CD1D: variants seen among roughly 807,000 people sequenced by gnomAD.
The protein encoded by CD1D is CD1d molecule, also known as antigen-presenting glycoprotein CD1d.
A neutral mutation model predicts 42.1 loss-of-function variants in CD1D; 40 were observed. That is an observed-to-expected ratio of 0.95 (90% CI 0.74 to 1.24). CD1D has a LOEUF of 1.24. Ranked by LOEUF, CD1D falls within the 50% of genes most tolerant of loss-of-function variation. CD1D has a pLI of 0.00. For missense variants in CD1D, 437 were observed against 416.5 expected, an observed-to-expected ratio of 1.05 and a Z score of -0.43; for synonymous variants, 178 against 171.8, an observed-to-expected ratio of 1.04 and a Z score of -0.28.
In CD1D at chr1:158,181,646, C is replaced by A; in HGVS notation, c.253C>A (p.Gln85Lys). 3 of 1,614,018 alleles carry A rather than the reference C, an allele frequency of 1.9e-6. No individual in the cohort carries two copies. Among genetic ancestry groups the A allele is most frequent in the Non-Finnish European group, 2.5e-6 (3 of 1,180,026 alleles). Residue 85 changes from glutamine (Q) to lysine (K), a missense_variant, in exon 2 of 6, where the codon CAG (glutamine) becomes AAG (lysine). Physicochemically the swap from Gln to Lys is moderately conservative, Grantham distance 53 (BLOSUM62 1). Transcript: ENST00000674085. The stretch of plus-strand genomic sequence containing the variant: ...CAGCGACCAGCAGTGGGAGACGCTG[C>A]AGCATATATTTCGGGTTTATCGAAG... ...TFSDQQWETL[Q>K]HIFRVYRSSF...
intron 1 of CD1D, 76 bp from the exon 2 acceptor site, chr1:158,181,379 T>G: frequency 6.4e-7 from 1 of 1,573,394 alleles, no homozygotes; most frequent in Non-Finnish European, 8.7e-7. Flanking sequence ...CTCCTCTTGT[T>G]TCTTTCTTCC....
rs143328387 is a variant in CD1D at position 158,185,884 on chromosome 1, T to A, written c.*1734T>A. On this transcript the variant is annotated 3_prime_UTR_variant, in exon 6 of 6. Coordinates refer to ENST00000674085, the MANE Select transcript of CD1D (RefSeq NM_001371762.2). ...TGGTGATTCTGATGCTTAGCTAAAGTTAGAGAACCACTGTTCTTAGACATT... is the reference window on the plus strand; with the variant it reads ...TGGTGATTCTGATGCTTAGCTAAAGATAGAGAACCACTGTTCTTAGACATT... Among the ~76,000 whole-genome samples, 23 of 152,276 alleles carry A rather than the reference T, an allele frequency of 1.5e-4. No individual in the cohort carries two copies. The highest frequency in any genetic ancestry group is 2.5e-4 in the Non-Finnish European group (17 of 68,018).
chr1:158,182,803 GGAT>G (rs1372736228), intron 3 of CD1D, 72 bp from the exon 4 acceptor site: 2 of 1,487,792 alleles, frequency 1.3e-6, no homozygotes, highest in Non-Finnish European at 1.8e-6. Flanking sequence ...AAGTCAAAAA[GGAT>G]GATATGAGGC....
Position 158,182,183 on chromosome 1 carries a change from C to T in CD1D, c.480C>T (p.Asn160=), listed in dbSNP as rs1465092671. The change falls in exon 3 of 6, where the codon AAC becomes AAT. Residue 160 remains asparagine (N), a synonymous_variant. Coordinates refer to ENST00000674085, the MANE Select transcript of CD1D (RefSeq NM_001371762.2). Reference sequence around the variant, plus strand: ...CCCAAGAGGCCCCACTTTGGGTAAACTTGGCCATTCAAGTGCTCAACCAGG... The same window carrying T: ...CCCAAGAGGCCCCACTTTGGGTAAATTTGGCCATTCAAGTGCTCAACCAGG... The part of the protein sequence containing the change: ...EPTQEAPLWV[N]LAIQVLNQDK... 2 of 1,614,196 alleles carry T rather than the reference C, an allele frequency of 1.2e-6. No individual in the cohort carries two copies. The highest frequency in any genetic ancestry group is 2.2e-5 in the East Asian group (1 of 44,880).
intron 4 of CD1D, 122 bp from the exon 5 acceptor site, chr1:158,183,814 G>A (rs1370586382): frequency 9.3e-6 from 7 of 755,058 alleles, no homozygotes; most frequent in Non-Finnish European, 1.6e-5. Context: ...TAGAAATTGG[G>A]GTTTTAAGTG....
Position 158,183,169 on chromosome 1 carries a change from T to C in CD1D, c.886+13T>C. 5 of 1,582,906 alleles carry C rather than the reference T, an allele frequency of 3.2e-6. No homozygotes were observed. Among genetic ancestry groups the C allele is most frequent in the Non-Finnish European group, 4.3e-6 (5 of 1,160,548 alleles). ...GTCCTCTACTGGGGTGAGAAAAAGC[T>C]GGGCCCAAGCTGGAAATGGCAGGAG... On this transcript the variant is annotated intron_variant, in intron 4 of 5. Transcript: ENST00000674085.
chr1:158,182,184 T>C lies in CD1D; in HGVS notation c.481T>C (p.Leu161=). ...PTQEAPLWVN[L]AIQVLNQDKW... ...CCAAGAGGCCCCACTTTGGGTAAACTTGGCCATTCAAGTGCTCAACCAGGA... is the reference window on the plus strand; with the variant it reads ...CCAAGAGGCCCCACTTTGGGTAAACCTGGCCATTCAAGTGCTCAACCAGGA... Residue 161 remains leucine (L), a synonymous_variant, in exon 3 of 6, where the codon TTG becomes CTG. Coordinates refer to ENST00000674085, the MANE Select transcript of CD1D (RefSeq NM_001371762.2). The C allele has an allele frequency of 6.2e-7, 1 of 1,614,180 alleles. No homozygotes were observed. Among genetic ancestry groups the C allele is most frequent in the South Asian group, 1.1e-5 (1 of 91,082 alleles).
At chr1:158,182,360 G>C in intron 3 of CD1D, 50 bp downstream of exon 3, 1 of 1,605,312 alleles carries the variant, frequency 6.2e-7, no homozygotes, top group Non-Finnish European at 8.5e-7. Context: ...GCTCCAAACG[G>C]GCTTTTCCAT....
chr1:158,181,098 C>A lies in CD1D; in HGVS notation c.-4C>A, dbSNP rs1419878823. 1.3e-6 allele frequency: 2 copies of A among 1,545,696 alleles called. No individual in the cohort carries two copies. Among genetic ancestry groups the A allele is most frequent in the South Asian group, 2.4e-5 (2 of 83,678 alleles). Reference sequence around the variant, plus strand: ...CGCTCCGCGAGGTCCCCACGCCGGGCGATATGGGGTGCCTGCTGTTTCTGC... The same window carrying A: ...CGCTCCGCGAGGTCCCCACGCCGGGAGATATGGGGTGCCTGCTGTTTCTGC... On this transcript the variant is annotated 5_prime_UTR_variant, in exon 1 of 6. Transcript: ENST00000674085.
At position 158,181,458 on chromosome 1, in the gene CD1D, C is replaced by T. The variant is rs1648407123; in HGVS notation, c.65C>T (p.Pro22Leu). The T allele has an allele frequency of 1.2e-6, 2 of 1,613,656 alleles. No homozygotes were observed. The highest frequency in any genetic ancestry group is 1.7e-6 in the Non-Finnish European group (2 of 1,179,816). Reference protein sequence around the residue: ...LLQAWGSAEVPQRLFPLRCLQ... With the variant: ...LLQAWGSAEVLQRLFPLRCLQ... ...TCCAATCTTCATTCTCTCCCAGTCC[C>T]GCAAAGGCTTTTCCCCCTCCGCTGC... Residue 22 changes from proline (P) to leucine (L), a missense_variant, in exon 2 of 6, where the codon CCG becomes CTG. Pro to Leu is a moderately conservative substitution (Grantham distance 98, BLOSUM62 -3). Coordinates refer to ENST00000674085, the MANE Select transcript of CD1D (RefSeq NM_001371762.2).
chr1:158,182,710 A>G (rs2101580283), intron 3 of CD1D, among the ~76,000 whole-genome samples, 168 bp from the exon 4 acceptor site: 1 of 152,340 alleles, frequency 6.6e-6, no homozygotes, highest in African/African-American at 2.4e-5. Flanking sequence ...AGGTGGGACA[A>G]ATGGATTGAA....
chr1:158,181,418 C>T (rs1400919564), intron 1 of CD1D, 37 bp from the exon 2 acceptor site: 1 of 1,606,340 alleles, frequency 6.2e-7, no homozygotes, highest in South Asian at 1.1e-5. Flanking sequence ...CTCTCCCGGC[C>T]ACTTGCTACA....
chr1:158,181,849 C>T, intron 2 of CD1D, 128 bp downstream of exon 2: 2 of 1,386,734 alleles, frequency 1.4e-6, no homozygotes, highest in African/African-American at 1.4e-5. Context: ...GATTTCCCTT[C>T]TACCTGGAGA....
Position 158,182,299 on chromosome 1 carries a change from T to A in CD1D, c.596T>A (p.Leu199Gln). 1.2e-6 allele frequency: 2 copies of A among 1,614,138 alleles called. No individual in the cohort carries two copies. Among genetic ancestry groups the A allele is most frequent in the Non-Finnish European group, 1.7e-6 (2 of 1,180,016 alleles). ...CTCCTTGAGTCAGGGAAGTCGGAACTGAAGAAGCAAGGTCAGCCTGCCTTC... is the reference window on the plus strand; with the variant it reads ...CTCCTTGAGTCAGGGAAGTCGGAACAGAAGAAGCAAGGTCAGCCTGCCTTC... ...SGLLESGKSELKKQVKPKAWL... is the reference protein window; with the variant it reads ...SGLLESGKSEQKKQVKPKAWL... Residue 199 changes from leucine to glutamine, a missense_variant, in exon 3 of 6, where the codon CTG becomes CAG. Leu to Gln is a moderately radical substitution (Grantham distance 113, BLOSUM62 -2). Coordinates refer to ENST00000674085, the MANE Select transcript of CD1D (RefSeq NM_001371762.2).
At chr1:158,180,264 T>TA (rs1209867470), upstream of CD1D, 35 of 152,248 alleles carry the variant, frequency 2.3e-4, no homozygotes, top group African/African-American at 8.0e-4. Flanking sequence ...ATCTTACACT[T>TA]ACTGTTTAAG....
rs554509306 is a variant in CD1D, at chr1:158,186,154, G to A, written c.*2004G>A. On this transcript the variant is annotated 3_prime_UTR_variant, in exon 6 of 6. Coordinates refer to ENST00000674085, the MANE Select transcript of CD1D (RefSeq NM_001371762.2). ...ATTGATTATCTCCTAGACTTGTGGA[G>A]TTCAAGTGTGTAATGCCTTAAAAGA... Among the ~76,000 whole-genome samples, 14 of 152,174 alleles carry A rather than the reference G, an allele frequency of 9.2e-5. No homozygotes were observed. The highest frequency in any genetic ancestry group is 6.2e-4 in the South Asian group (3 of 4,822).
At chr1:158,181,385 C>T (rs906499556) in intron 1 of CD1D, 70 bp from the exon 2 acceptor site, 11 of 1,582,058 alleles carry the variant, frequency 7.0e-6, no homozygotes, top group South Asian at 1.1e-5. Context: ...TTGTTTCTTT[C>T]TTCCTTCTCT....
At chr1:158,183,251 G>T (rs1259967857) in intron 4 of CD1D, 95 bp downstream of exon 4, 1 of 1,424,906 alleles carries the variant, frequency 7.0e-7, no homozygotes, top group Non-Finnish European at 9.4e-7. Context: ...ATATACCCAG[G>T]TTAGAGGAGT....
At chr1:158,182,335 G>C (rs1231634255) in intron 3 of CD1D, 25 bp downstream of exon 3, 1 of 1,613,476 alleles carries the variant, frequency 6.2e-7, no homozygotes. Context: ...CTTACTCCCT[G>C]CATTCCACTT....
Sources: gnomAD v4.1 joint callset for allele counts (sites outside exome capture counted in the v4.1 genomes callset) on GRCh38, gnomAD v4.1.1 for gene constraint, MANE v1.5 for transcripts, NCBI Gene and HGNC (gene_info 2026-07-23, HGNC 2026-07-21) for gene names.